The following COL28A1 variants were observed in gnomAD, a reference collection of about 807,000 sequenced individuals.
COL28A1 encodes collagen type XXVIII alpha 1 chain, also known as collagen alpha-1(XXVIII) chain.
In COL28A1, 161 loss-of-function variants were observed where a neutral mutation model predicts 150.2. The ratio of observed to expected loss-of-function variants is 1.07; its 90% CI spans 0.94 to 1.22. The LOEUF (loss-of-function observed/expected upper bound fraction) is 1.22. Ranked by LOEUF, COL28A1 falls within the 50% of genes most tolerant of loss-of-function variation. The pLI is 0.00. For missense variants in COL28A1, 1,617 were observed against 1,388.3 expected, an observed-to-expected ratio of 1.16 and a Z score of -2.62; for synonymous variants, 552 against 469.7, an observed-to-expected ratio of 1.18 and a Z score of -2.26.
At chr7:7,401,913 T>C (rs1024215242) in intron 27 of COL28A1, among the ~76,000 whole-genome samples, 3 of 152,158 alleles carry the variant, frequency 2.0e-5, no homozygotes, top group Non-Finnish European at 2.9e-5. Context: ...CAATCCCTAA[T>C]TGAGAACCCC....
At chr7:7,393,069 T>G (rs545253922) in intron 27 of COL28A1, among the ~76,000 whole-genome samples, 6 of 151,786 alleles carry the variant, frequency 4.0e-5, no homozygotes, top group African/African-American at 1.4e-4. Flanking sequence ...TGGCTTTTTG[T>G]GCTTGTTTTT....
chr7:7,521,892 G>A lies in COL28A1; in HGVS notation c.759+13C>T, dbSNP rs745606960. 1.0e-5 allele frequency: 10 copies of A among 977,124 alleles called. No individual in the cohort carries two copies. The highest frequency in any genetic ancestry group is 1.7e-5 in the Admixed American group (1 of 59,298). The allele number at this position is 977,124 out of a possible 1,614,324, so 60.5% of individuals were successfully genotyped here. ...GACTTTCTGACTTAAGTTCAAAGTG[G>A]AAGTATACTCACAGGAGGCCCTGGA... On this transcript the variant is annotated intron_variant, in intron 5 of 34. Transcript: ENST00000399429.
At chr7:7,400,985 T>G (rs949740428) in intron 27 of COL28A1, among the ~76,000 whole-genome samples, 14 of 139,554 alleles carry the variant, frequency 1.0e-4, no homozygotes, top group African/African-American at 3.4e-4. Flanking sequence ...GGTGTGTGTG[T>G]GTGTGTGTGT....
chr7:7,497,094 A>AAAGGGAGG (rs1780256620), intron 11 of COL28A1, among the ~76,000 whole-genome samples: 1 of 123,770 alleles, frequency 8.1e-6, no homozygotes, highest in Non-Finnish European at 1.6e-5. Context: ...AGGAAGGAAG[A>AAAGGGAGG]AAGGAAGGAA....
downstream of COL28A1, chr7:7,356,119 A>G (rs879714461): frequency 2.4e-4 from 37 of 152,114 alleles, no homozygotes; most frequent in Non-Finnish European, 7.3e-5. Context: ...GTACATTTAT[A>G]TATCATAAAA....
intron 13 of COL28A1, among the ~76,000 whole-genome samples, chr7:7,487,811 T>C (rs1213201477): frequency 6.6e-6 from 1 of 152,214 alleles, no homozygotes; most frequent in African/African-American, 2.4e-5. Flanking sequence ...ACAGAAATGA[T>C]GCTGTATAAT....
Position 7,502,489 on chromosome 7 carries a change from A to G in COL28A1, c.1026+3525T>C, listed in dbSNP as rs890809258. On this transcript the variant is annotated intron_variant, in intron 11 of 34. Coordinates refer to ENST00000399429, the MANE Select transcript of COL28A1 (RefSeq NM_001037763.3). ...TTTAATGAAGAAAAGCCAATCCCTA[A>G]AGCAACAGAAAGTGAGCGTAATTCA... Among the ~76,000 whole-genome samples, 7 of 152,170 alleles carry G rather than the reference A, an allele frequency of 4.6e-5. No individual in the cohort carries two copies. In the East Asian group the frequency reaches 1.2e-3, roughly 25 times the overall value.
At chr7:7,371,871 C>T (rs995137995) in intron 32 of COL28A1, among the ~76,000 whole-genome samples, 4 of 151,950 alleles carry the variant, frequency 2.6e-5, no homozygotes, top group South Asian at 2.1e-4. Flanking sequence ...CTCGCTCTGT[C>T]GCCCAGGCTG....
chr7:7,357,369 T>C (rs1246245298), downstream of COL28A1, among the ~76,000 whole-genome samples: 1 of 151,908 alleles, frequency 6.6e-6, no homozygotes, highest in African/African-American at 2.4e-5. Flanking sequence ...TTTTGTAAGA[T>C]AAAATATGTG....
intron 15 of COL28A1, among the ~76,000 whole-genome samples, chr7:7,462,696 T>A (rs1467336217): frequency 6.6e-6 from 1 of 151,902 alleles, no homozygotes; most frequent in Non-Finnish European, 1.5e-5. Context: ...CCGTCTCTAC[T>A]AAAAATACAA....
chr7:7,502,631 A>G (rs1780596828), intron 11 of COL28A1, among the ~76,000 whole-genome samples: 1 of 151,668 alleles, frequency 6.6e-6, no homozygotes, highest in South Asian at 2.1e-4. Context: ...TATATGAAAT[A>G]TAGTATTTGA....
chr7:7,437,454 C>A lies in COL28A1; in HGVS notation c.1731G>T (p.Pro577=), dbSNP rs778274748. ...LPGPEGPKGE[P]GIMGPFGMPG... Reference sequence around the variant, plus strand: ...GCATTCCAAAAGGGCCCATAATGCCCGGTTCACCCTTAAAAAGAGCAAAAT... The same window carrying A: ...GCATTCCAAAAGGGCCCATAATGCCAGGTTCACCCTTAAAAAGAGCAAAAT... The change falls in exon 22 of 35, where the codon CCG becomes CCT. Residue 577 remains proline, a synonymous_variant. Coordinates refer to ENST00000399429, the MANE Select transcript of COL28A1 (RefSeq NM_001037763.3). 1.2e-6 allele frequency: 2 copies of A among 1,613,232 alleles called. No individual in the cohort carries two copies. The highest frequency in any genetic ancestry group is 2.7e-5 in the African/African-American group (2 of 74,868).
At chr7:7,432,792 G>A (rs1785071531) in intron 23 of COL28A1, 92 bp from the exon 24 acceptor site, 1 of 940,386 alleles carries the variant, frequency 1.1e-6, no homozygotes, top group Non-Finnish European at 1.7e-6. Flanking sequence ...TATGCCAACG[G>A]TCGATTTCTA....
Position 7,520,075 on chromosome 7 carries a change from G to T in COL28A1, c.800C>A (p.Pro267Gln). 7.0e-7 allele frequency: 1 copy of T among 1,422,746 alleles called. No individual in the cohort carries two copies. The highest frequency in any genetic ancestry group is 1.2e-5 in the South Asian group (1 of 86,120). The allele number at this position is 1,422,746 out of a possible 1,614,324, so 88.1% of individuals were successfully genotyped here. The change falls in exon 6 of 35, where the codon CCA becomes CAA. Residue 267 changes from proline to glutamine, a missense_variant. Physicochemically the swap from Pro to Gln is moderately conservative, Grantham distance 76 (BLOSUM62 -1). Transcript: ENST00000399429. Reference sequence around the variant, plus strand: ...TTATTCATTTACCGGGTTTCCTTTTGGTCCTCGCTCACCTTTGATACCTGG... The same window carrying T: ...TTATTCATTTACCGGGTTTCCTTTTTGTCCTCGCTCACCTTTGATACCTGG... ...GNPGIKGERG[P>Q]KGNPGNAQKG...
rs149658746 is a variant in COL28A1, at chr7:7,388,205, C to G, written c.2137-6593G>C. On this transcript the variant is annotated intron_variant, in intron 27 of 34. Coordinates refer to ENST00000399429, the MANE Select transcript of COL28A1 (RefSeq NM_001037763.3). ...AGGCCTTGGTGTGTGATGTTCCCCT[C>G]CCTGTACCCATGTGTTCTCATTTTT... Among the ~76,000 whole-genome samples, 379 of 151,868 alleles carry G rather than the reference C, an allele frequency of 2.5e-3. 3 individuals are homozygous for G. Among genetic ancestry groups the G allele is most frequent in the Non-Finnish European group, 4.3e-3 (295 of 67,914 alleles).
At chr7:7,493,017 G>C (rs1780010051) in intron 11 of COL28A1, among the ~76,000 whole-genome samples, 1 of 144,404 alleles carries the variant, frequency 6.9e-6, no homozygotes, top group African/African-American at 2.5e-5. Context: ...TATATAACAG[G>C]TATATATAAT....
At chr7:7,343,424 G>A in the COL28A1 span, among the ~76,000 whole-genome samples, 5 of 150,960 alleles carry the variant, frequency 3.3e-5, no homozygotes, top group Admixed American at 6.6e-5. Context: ...TCCTTGCTGC[G>A]TGCTAGACAA....
rs1327293014 is a variant in COL28A1, at chr7:7,467,897, C to A, written c.1302+6704G>T. On this transcript the variant is annotated intron_variant, in intron 15 of 34. Transcript: ENST00000399429. Reference sequence around the variant, plus strand: ...AAATGAAGGCAGAAATAAAGATGTTCTTTGAAACCAACGAGAACAAAGACA... The same window carrying A: ...AAATGAAGGCAGAAATAAAGATGTTATTTGAAACCAACGAGAACAAAGACA... Among the ~76,000 whole-genome samples the A allele has an allele frequency of 2.1e-5, 3 of 144,994 alleles. No homozygotes were observed. In the South Asian group the frequency reaches 6.7e-4, roughly 33 times the overall value.
At chr7:7,504,936 C>T (rs1780728955) in intron 11 of COL28A1, among the ~76,000 whole-genome samples, 1 of 152,104 alleles carries the variant, frequency 6.6e-6, no homozygotes, top group Non-Finnish European at 1.5e-5. Context: ...TAGGATTGTA[C>T]CTGTAGCCAA....
Sources: gnomAD v4.1 joint callset for allele counts (sites outside exome capture counted in the v4.1 genomes callset) on GRCh38, gnomAD v4.1.1 for gene constraint, MANE v1.5 for transcripts, NCBI Gene and HGNC (gene_info 2026-07-23, HGNC 2026-07-21) for gene names.